Variants in TMEM130 observed in about 807,000 individuals in gnomAD.
TMEM130 encodes transmembrane protein 130.
In TMEM130, 37 loss-of-function variants were observed where a neutral mutation model predicts 42.9. The ratio of observed to expected loss-of-function variants is 0.86; its 90% confidence interval spans 0.66 to 1.13. The LOEUF is 1.13. Among genes scored for constraint, TMEM130 ranks in the 50% most tolerant of loss-of-function variants. TMEM130 has a pLI of 0.00. For synonymous variants in TMEM130, 259 were observed against 237.7 expected, an observed-to-expected ratio of 1.09 and a Z score of -0.82; for missense variants, 545 against 562.6, an observed-to-expected ratio of 0.97 and a Z score of 0.32.
At chr7:98,850,288 T>TTTTTTTTTA (rs1554398034) in intron 6 of TMEM130, among the ~76,000 whole-genome samples, 1 of 112,528 alleles carries the variant, frequency 8.9e-6, no homozygotes, top group African/African-American at 3.0e-5. Context: ...TTTTTTTTTT[T>TTTTTTTTTA]AATTTTTTGA....
intron 1 of TMEM130, chr7:98,865,920 A>G (rs1794896624): frequency 5.8e-6 from 1 of 171,286 alleles, no homozygotes; most frequent in Non-Finnish European, 1.2e-5. Flanking sequence ...GAGTGGGCAC[A>G]AGGTCCCCCC....
At chr7:98,855,830 C>T (rs1357911972) in intron 4 of TMEM130, among the ~76,000 whole-genome samples, 187 bp downstream of exon 4, 1 of 152,224 alleles carries the variant, frequency 6.6e-6, no homozygotes, top group Non-Finnish European at 1.5e-5. Flanking sequence ...AGCCACTGCA[C>T]AGCCACATGA....
In TMEM130 at chr7:98,863,297, C is replaced by A. The variant is rs1554400136; in HGVS notation, c.189G>T (p.Leu63=). The A allele has an allele frequency of 6.2e-7, 1 of 1,613,322 alleles. No individual in the cohort carries two copies. The highest frequency in any genetic ancestry group is 1.7e-5 in the Admixed American group (1 of 60,010). The change falls in exon 2 of 8, where the codon CTG becomes CTT. Residue 63 remains leucine, a synonymous_variant. Transcript: ENST00000339375. The stretch of plus-strand genomic sequence containing the variant: ...AGCGGTAGAGGTGGGCGTCAGCGGG[C>A]AGGGCCAGGCTGCCGTTGTCCTTGG... ...LVAKDNGSLA[L]PADAHLYRFH...
intron 5 of TMEM130, among the ~76,000 whole-genome samples, chr7:98,852,768 T>C (rs1794541024): frequency 6.6e-6 from 1 of 152,040 alleles, no homozygotes; most frequent in South Asian, 2.1e-4. Flanking sequence ...CTAATTTTTG[T>C]ATTTTTTGGT....
At position 98,862,308 on chromosome 7, in the gene TMEM130, G is replaced by GAGAC. The variant is rs1164148925; in HGVS notation, c.391+783_391+786dup. On this transcript the variant is annotated intron_variant, in intron 2 of 7. Coordinates refer to ENST00000339375, the MANE Select transcript of TMEM130 (RefSeq NM_152913.3). The stretch of plus-strand genomic sequence containing the variant: ...AGAGACAGAGACAGAAAGAGACAAA[G>GAGAC]AGACAGAGAACAGAAAGAGCAAGAT... Among the ~76,000 whole-genome samples, 4 of 151,450 alleles carry GAGAC rather than the reference G, an allele frequency of 2.6e-5. No homozygotes were observed. In the South Asian group the frequency reaches 6.3e-4, roughly 24 times the overall value.
In TMEM130 at chr7:98,847,541, T is replaced by G. The variant is rs906758851; in HGVS notation, c.*515A>C. On this transcript the variant is annotated 3_prime_UTR_variant, in exon 8 of 8. Coordinates refer to ENST00000339375, the MANE Select transcript of TMEM130 (RefSeq NM_152913.3). ...GTGTGTGTGTGTGTGTGTGTGTGTGTGGTGTGTGTACATGCACACTTCTCT... is the reference window on the plus strand; with the variant it reads ...GTGTGTGTGTGTGTGTGTGTGTGTGGGGTGTGTGTACATGCACACTTCTCT... 2 of 149,248 alleles carry G rather than the reference T, an allele frequency of 1.3e-5. No homozygotes were observed. Among genetic ancestry groups the G allele is most frequent in the Non-Finnish European group, 3.0e-5 (2 of 67,486 alleles). The allele number at this position is 149,248 out of a possible 1,614,324, so 9.2% of individuals were successfully genotyped here.
At chr7:98,864,555 G>A (rs1554400390) in intron 1 of TMEM130, among the ~76,000 whole-genome samples, 2 of 151,740 alleles carry the variant, frequency 1.3e-5, no homozygotes. Context: ...CTGGTCTCAT[G>A]CCTCTGGATT....
chr7:98,851,621 G>C lies in TMEM130; in HGVS notation c.806C>G (p.Pro269Arg). 6.2e-7 allele frequency: 1 copy of C among 1,608,056 alleles called. No homozygotes were observed. The highest frequency in any genetic ancestry group is 8.5e-7 in the Non-Finnish European group (1 of 1,176,062). The stretch of plus-strand genomic sequence containing the variant: ...GAGACGCCAGCACACAGTCAGAGGA[G>C]GGCTGCAGGGAAATGGGGGCGGTTT... Reference protein sequence around the residue: ...MTVTLNFLGSPPLTVCWRLKP... With the variant: ...MTVTLNFLGSRPLTVCWRLKP... The change falls in exon 6 of 8, where the codon CCT becomes CGT. Residue 269 changes from proline to arginine, a missense_variant and splice_region_variant. Transcript: ENST00000339375.
At chr7:98,851,865 T>C (rs185066215) in intron 5 of TMEM130, among the ~76,000 whole-genome samples, 2 of 152,188 alleles carry the variant, frequency 1.3e-5, no homozygotes, top group Non-Finnish European at 2.9e-5. Flanking sequence ...CATAGACTGC[T>C]CACTGGAGGC....
At chr7:98,850,347 A>G (rs1794472184) in intron 6 of TMEM130, among the ~76,000 whole-genome samples, 1 of 145,580 alleles carries the variant, frequency 6.9e-6, no homozygotes, top group Non-Finnish European at 1.5e-5. Context: ...GCTCAATCTC[A>G]GCTCACTGCA....
chr7:98,863,493 C>T, intron 1 of TMEM130, 93 bp from the exon 2 acceptor site: 1 of 1,293,014 alleles, frequency 7.7e-7, no homozygotes, highest in Non-Finnish European at 1.0e-6. Flanking sequence ...ATTCTATTTC[C>T]CAGGTGGAGA....
intron 6 of TMEM130, among the ~76,000 whole-genome samples, chr7:98,850,273 A>ATATTTTT: frequency 1.4e-4 from 5 of 35,452 alleles, no homozygotes; most frequent in Admixed American, 4.3e-4. Flanking sequence ...ATATATATAT[A>ATATTTTT]TTTTTTTTTT....
intron 2 of TMEM130, 81 bp downstream of exon 2, chr7:98,863,014 G>A (rs781818857): frequency 4.7e-5 from 69 of 1,466,764 alleles, no homozygotes; most frequent in Non-Finnish European, 6.0e-5. Flanking sequence ...AATCTGCATT[G>A]ATCTGATTCC....
chr7:98,855,321 G>T lies in TMEM130; in HGVS notation c.722C>A (p.Thr241Asn), dbSNP rs916571994. The T allele has an allele frequency of 1.1e-5, 17 of 1,612,042 alleles. No individual in the cohort carries two copies. The highest frequency in any genetic ancestry group is 1.4e-5 in the Non-Finnish European group (17 of 1,178,888). The change falls in exon 5 of 8, where the codon ACC (threonine) becomes AAC (asparagine). Residue 241 changes from threonine (T) to asparagine (N), a missense_variant. By Grantham distance (65) the Thr-to-Asn change is moderately conservative. Coordinates refer to ENST00000339375, the MANE Select transcript of TMEM130 (RefSeq NM_152913.3). The part of the protein sequence containing the change: ...DFSASLKLQE[T>N]LRGIQVLGPT... ...CCCCAACACTTGGATGCCTCGAAGG[G>T]TTTCTGTAAGGCAGAGAGAACCCCG...
intron 1 of TMEM130, among the ~76,000 whole-genome samples, chr7:98,868,865 A>G (rs1188014850): frequency 6.6e-6 from 1 of 152,216 alleles, no homozygotes; most frequent in East Asian, 1.9e-4. Flanking sequence ...GGAAATAGGT[A>G]ATCTTGTCCA....
In TMEM130 at chr7:98,852,683, C is replaced by T. The variant is rs1214007471; in HGVS notation, c.804-1060G>A. Among the ~76,000 whole-genome samples, 5 of 152,186 alleles carry T rather than the reference C, an allele frequency of 3.3e-5. No homozygotes were observed. In the East Asian group the frequency reaches 7.8e-4, roughly 24 times the overall value. ...GATCTCCGCTCACTGCAACCTTTGC[C>T]TCCTGGGTTCAAGTGAGTCTTCCAC... On this transcript the variant is annotated intron_variant, in intron 5 of 7. Coordinates refer to ENST00000339375, the MANE Select transcript of TMEM130 (RefSeq NM_152913.3).
intron 6 of TMEM130, among the ~76,000 whole-genome samples, chr7:98,849,330 G>C (rs1407503732): frequency 6.6e-6 from 1 of 152,192 alleles, no homozygotes; most frequent in Non-Finnish European, 1.5e-5. Flanking sequence ...AACAAGAAGA[G>C]GGGTGTTGAT....
chr7:98,869,804 G>A lies in TMEM130; in HGVS notation c.58C>T (p.Pro20Ser). ...GRILWLACLL[P>S]WAPAGVAAGL... The stretch of plus-strand genomic sequence containing the variant: ...GCGGCCACCCCTGCCGGGGCCCAGG[G>A]CAGGAGGCAGGCAAGCCAGAGGATG... The change falls in exon 1 of 8, where the codon CCC becomes TCC. Residue 20 changes from proline (P) to serine (S), a missense_variant. Transcript: ENST00000339375. The surrounding 1 kb of genome is among the most constrained non-coding windows in gnomAD (Gnocchi z 4.7). The A allele has an allele frequency of 1.4e-6, 2 of 1,443,222 alleles. No individual in the cohort carries two copies. Among genetic ancestry groups the A allele is most frequent in the Non-Finnish European group, 9.1e-7 (1 of 1,099,118 alleles). 89.4% of individuals were successfully genotyped at this position (1,443,222 alleles called of 1,614,324 possible). A position where few individuals can be genotyped will look rare whatever the true frequency, so the allele number is the denominator to read the frequency against.
chr7:98,848,129 T>A lies in TMEM130; in HGVS notation c.1199A>T (p.Tyr400Phe). The change falls in exon 8 of 8, where the codon TAC (tyrosine) becomes TTC (phenylalanine). Residue 400 changes from tyrosine (Y) to phenylalanine (F), a missense_variant. Tyr to Phe is a conservative substitution (Grantham distance 22). Coordinates refer to ENST00000339375, the MANE Select transcript of TMEM130 (RefSeq NM_152913.3). Reference sequence around the variant, plus strand: ...GTGGTTCTCACGAACAATTTCCAGGTACTCAGATGGAGTCTCCAGCAAGAA... The same window carrying A: ...GTGGTTCTCACGAACAATTTCCAGGAACTCAGATGGAGTCTCCAGCAAGAA... Reference protein sequence around the residue: ...GPFLLETPSEYLEIVRENHGL... With the variant: ...GPFLLETPSEFLEIVRENHGL... 2 of 1,614,110 alleles carry A rather than the reference T, an allele frequency of 1.2e-6. No homozygotes were observed. The highest frequency in any genetic ancestry group is 8.5e-7 in the Non-Finnish European group (1 of 1,180,018).
Sources: gnomAD v4.1 joint callset for allele counts (sites outside exome capture counted in the v4.1 genomes callset) on GRCh38, gnomAD v4.1.1 for gene constraint, Gnocchi (gnomAD v3.1) non-coding constraint, MANE v1.5 for transcripts, NCBI Gene and HGNC (gene_info 2026-07-23, HGNC 2026-07-21) for gene names.